Variants in ARFGAP3 observed in about 807,000 individuals in gnomAD.
The protein encoded by ARFGAP3 is ARF GTPase activating protein 3.
Under a neutral mutation model 75.0 loss-of-function variants are expected in ARFGAP3, and 72 were observed. The ratio of observed to expected loss-of-function variants is 0.96; its 90% CI spans 0.79 to 1.17. The LOEUF (loss-of-function observed/expected upper bound fraction) is 1.17. Among genes scored for constraint, ARFGAP3 ranks in the 50% most tolerant of loss-of-function variants. The pLI is 0.00. For synonymous variants in ARFGAP3, 221 were observed against 217.9 expected (o/e 1.01, Z -0.13); for missense variants, 620 against 626.6 (o/e 0.99, Z 0.11).
chr22:42,840,374 C>T (rs906350109), intron 3 of ARFGAP3, among the ~76,000 whole-genome samples: 1 of 152,106 alleles, frequency 6.6e-6, no homozygotes, highest in African/African-American at 2.4e-5. Flanking sequence ...TCTGCTTCTT[C>T]TCATAGGGCC....
At chr22:42,831,761 G>A in intron 5 of ARFGAP3, 125 bp from the exon 6 acceptor site, 1 of 1,496,270 alleles carries the variant, frequency 6.7e-7, no homozygotes, top group Non-Finnish European at 8.9e-7. Flanking sequence ...TAATGGAAAG[G>A]AAGGCATATC....
chr22:42,850,094 C>T (rs1469244546), intron 1 of ARFGAP3, among the ~76,000 whole-genome samples: 1 of 152,058 alleles, frequency 6.6e-6, no homozygotes, highest in African/African-American at 2.4e-5. Flanking sequence ...CCAACAGGAG[C>T]ATAAAAGTAC....
intron 9 of ARFGAP3, among the ~76,000 whole-genome samples, chr22:42,820,944 T>C (rs1925786362): frequency 6.6e-6 from 1 of 152,166 alleles, no homozygotes; most frequent in Non-Finnish European, 1.5e-5. Flanking sequence ...AGACGCCCCT[T>C]CATGACAGCA....
At chr22:42,856,855 G>T (rs542002279) in intron 1 of ARFGAP3, among the ~76,000 whole-genome samples, 1 of 151,424 alleles carries the variant, frequency 6.6e-6, no homozygotes, top group Non-Finnish European at 1.5e-5. Context: ...GAGCTCGCCG[G>T]GGGGTGTGCC....
At chr22:42,799,290 A>G (rs5758948) in intron 14 of ARFGAP3, 130 bp from the exon 15 acceptor site, 859,889 of 1,488,946 alleles carry the variant, frequency 0.58, 254,350 homozygotes, top group African/African-American at 0.89. Context: ...AAGGGGCCCA[A>G]CAGTGGGATG....
intron 1 of ARFGAP3, among the ~76,000 whole-genome samples, chr22:42,849,341 C>T (rs1255121989): frequency 6.6e-6 from 1 of 152,236 alleles, no homozygotes; most frequent in Admixed American, 6.5e-5. Context: ...ACCTCCACTG[C>T]CTCACTCTGT....
At chr22:42,803,232 T>C (rs1924959152) in intron 14 of ARFGAP3, among the ~76,000 whole-genome samples, 1 of 152,180 alleles carries the variant, frequency 6.6e-6, no homozygotes, top group Non-Finnish European at 1.5e-5. Context: ...CTGGAACTCC[T>C]GGGGCCACTG....
intron 3 of ARFGAP3, among the ~76,000 whole-genome samples, chr22:42,839,993 C>G (rs543672918): frequency 7.2e-5 from 11 of 152,258 alleles, no homozygotes; most frequent in African/African-American, 2.6e-4. Flanking sequence ...CACAATGGTG[C>G]GATCTCAGCT....
At chr22:42,846,111 T>A (rs972921805) in intron 2 of ARFGAP3, among the ~76,000 whole-genome samples, 3 of 152,032 alleles carry the variant, frequency 2.0e-5, no homozygotes, top group African/African-American at 4.8e-5. Flanking sequence ...TGCTCCTTTT[T>A]AATAATCACG....
intron 3 of ARFGAP3, 55 bp from the exon 4 acceptor site, chr22:42,835,548 G>A (rs183167121): frequency 7.7e-5 from 123 of 1,593,938 alleles, no homozygotes; most frequent in Non-Finnish European, 9.7e-5. Flanking sequence ...ATGGCCAGGC[G>A]CAGTGGCTCA....
At chr22:42,844,589 GAAAAAAA>G (rs747473607) in intron 2 of ARFGAP3, among the ~76,000 whole-genome samples, 62 of 58,598 alleles carry the variant, frequency 1.1e-3, no homozygotes, top group Non-Finnish European at 1.8e-3. Flanking sequence ...TGTCTCAAAG[GAAAAAAA>G]AAAAAAAAAA....
intron 1 of ARFGAP3, among the ~76,000 whole-genome samples, chr22:42,852,701 A>G (rs1927330498): frequency 6.6e-6 from 1 of 151,926 alleles, no homozygotes. Context: ...CTGCATTTTC[A>G]TTTTGTACAT....
chr22:42,841,920 T>A (rs1253290079), intron 2 of ARFGAP3, among the ~76,000 whole-genome samples: 10 of 149,532 alleles, frequency 6.7e-5, no homozygotes, highest in Admixed American at 4.7e-4. Context: ...AATGGAGTGG[T>A]GTGATCACAG....
chr22:42,857,083 A>T, intron 1 of ARFGAP3, 31 bp downstream of exon 1: 1 of 1,492,634 alleles, frequency 6.7e-7, no homozygotes. Flanking sequence ...CAGGGATGCC[A>T]GGCAGGCCCG....
At chr22:42,807,351 G>A in intron 13 of ARFGAP3, 188 bp from the exon 14 acceptor site, 2 of 764,504 alleles carry the variant, frequency 2.6e-6, no homozygotes, top group Non-Finnish European at 3.2e-6. Context: ...TGCATGGGAG[G>A]CAGGTCACAG....
intron 11 of ARFGAP3, among the ~76,000 whole-genome samples, chr22:42,813,000 A>G (rs1925434309): frequency 6.6e-6 from 1 of 152,256 alleles, no homozygotes; most frequent in South Asian, 2.1e-4. Context: ...CGGAAGTTAC[A>G]TCGGAGGAAG....
chr22:42,856,197 GCTCCCC>G (rs1927488515), intron 1 of ARFGAP3, among the ~76,000 whole-genome samples: 1 of 152,120 alleles, frequency 6.6e-6, no homozygotes, highest in Admixed American at 6.5e-5. Context: ...AAAAATATGG[GCTCCCC>G]TGTACCATCA....
At chr22:42,807,921 T>C (rs1160254967) in intron 13 of ARFGAP3, among the ~76,000 whole-genome samples, 1 of 151,680 alleles carries the variant, frequency 6.6e-6, no homozygotes, top group Non-Finnish European at 1.5e-5. Flanking sequence ...ATTTTTGTAT[T>C]TTTTGTAGAG....
intron 2 of ARFGAP3, among the ~76,000 whole-genome samples, chr22:42,842,181 T>C (rs1200528412): frequency 2.6e-5 from 4 of 151,928 alleles, no homozygotes; most frequent in African/African-American, 7.3e-5. Flanking sequence ...ATTTTTGTAT[T>C]TTTAGCAGAG....
Sources: gnomAD v4.1 joint callset for allele counts (sites outside exome capture counted in the v4.1 genomes callset) on GRCh38, gnomAD v4.1.1 for gene constraint, MANE v1.5 for transcripts, NCBI Gene and HGNC (gene_info 2026-07-23, HGNC 2026-07-21) for gene names.